Variants in SULT4A1 observed in about 807,000 individuals in gnomAD.
SULT4A1 encodes the protein sulfotransferase family 4A member 1.
Under a neutral mutation model 35.2 loss-of-function variants are expected in SULT4A1, and 11 were observed. The ratio of observed to expected loss-of-function variants is 0.31; its 90% CI spans 0.20 to 0.52. The LOEUF is 0.52. SULT4A1 is among the 20% of genes least tolerant of loss of function. The pLI is 0.97. For synonymous variants in SULT4A1, 152 were observed against 151.8 expected (o/e 1.00, Z -0.01); for missense variants, 271 against 383.7 (o/e 0.71, Z 2.45).
chr22:43,842,975 A>ATCTCTCTCTCTCTCTCTCTCTCTC (rs695712), intron 1 of SULT4A1, among the ~76,000 whole-genome samples: 2 of 144,478 alleles, frequency 1.4e-5, no homozygotes, highest in African/African-American at 5.2e-5. Context: ...AGTAAACAGC[A>ATCTCTCTCTCTCTCTCTCTCTCTC]TCTCTCTCTC....
chr22:43,854,343 A>C (rs891276657), intron 1 of SULT4A1, among the ~76,000 whole-genome samples: 14 of 152,196 alleles, frequency 9.2e-5, no homozygotes, highest in African/African-American at 3.4e-4. Context: ...TGCTAGTCCC[A>C]GGAAGAGAAA....
chr22:43,831,247 A>G (rs1239780320), intron 5 of SULT4A1, among the ~76,000 whole-genome samples: 1 of 151,522 alleles, frequency 6.6e-6, no homozygotes, highest in Non-Finnish European at 1.5e-5. Context: ...TCAGTCCATC[A>G]TTGCTGAGGA....
At chr22:43,833,780 A>G in intron 4 of SULT4A1, 46 bp from the exon 5 acceptor site, 2 of 1,505,646 alleles carry the variant, frequency 1.3e-6, no homozygotes, top group Non-Finnish European at 1.8e-6. Context: ...GGGCAGGAGA[A>G]GCGCACACAT....
At chr22:43,840,099 G>A in intron 2 of SULT4A1, 74 bp from the exon 3 acceptor site, 2 of 1,136,064 alleles carry the variant, frequency 1.8e-6, no homozygotes, top group East Asian at 5.0e-5. Flanking sequence ...CCAAGGGGAA[G>A]GGGGCCAGAG....
rs1204382714 is a variant in SULT4A1 at position 43,825,482 on chromosome 22, C to T, written c.*519G>A. The T allele has an allele frequency of 6.6e-6, 1 of 152,544 alleles. No individual in the cohort carries two copies. Among genetic ancestry groups the T allele is most frequent in the African/African-American group, 2.4e-5 (1 of 41,458 alleles). 9.4% of individuals were successfully genotyped at this position (152,544 alleles called of 1,614,324 possible). On this transcript the variant is annotated 3_prime_UTR_variant, in exon 7 of 7. Transcript: ENST00000330884. ...CAGATTCCCCCCAACAGACCCAACT[C>T]ATCCTCTGTTCTCACCACTATCTCA...
chr22:43,842,756 T>G (rs2063444468), intron 1 of SULT4A1, among the ~76,000 whole-genome samples: 1 of 152,128 alleles, frequency 6.6e-6, no homozygotes, highest in Non-Finnish European at 1.5e-5. Context: ...AGTGTTTATA[T>G]TTTGGGTTGG....
rs1219436016 is a variant in SULT4A1, at chr22:43,829,161, A to T, written c.641T>A (p.Leu214Gln). The change falls in exon 6 of 7, where the codon CTG (leucine) becomes CAG (glutamine). Residue 214 changes from leucine (L) to glutamine (Q), a missense_variant. Physicochemically the swap from Leu to Gln is moderately radical, Grantham distance 113. Around this residue, in one of 3 missense-constraint regions of SULT4A1, gnomAD observed 75 missense variants for 67.7 expected, o/e 1.11. Transcript: ENST00000330884. Reference protein sequence around the residue: ...VTMVEQLARFLGVSCDKAQLE... With the variant: ...VTMVEQLARFQGVSCDKAQLE... ...CTGGGCCTTGTCACAGGACACCCCC[A>T]GGAATCTGGCCAGCTGCTCCACCAT... The T allele has an allele frequency of 6.4e-7, 1 of 1,565,970 alleles. No homozygotes were observed. The highest frequency in any genetic ancestry group is 1.9e-5 in the Admixed American group (1 of 53,736).
chr22:43,838,150 G>A (rs948604112), intron 4 of SULT4A1, among the ~76,000 whole-genome samples: 1 of 152,246 alleles, frequency 6.6e-6, no homozygotes, highest in Non-Finnish European at 1.5e-5. Context: ...CCACTCCCAA[G>A]GGAAAGGTGG....
chr22:43,841,383 G>C (rs2063427342), intron 2 of SULT4A1, among the ~76,000 whole-genome samples: 1 of 152,188 alleles, frequency 6.6e-6, no homozygotes, highest in Non-Finnish European at 1.5e-5. Flanking sequence ...GGGTGGGGGT[G>C]CCTGTGGGTG....
At chr22:43,833,594 C>G (rs1343405331) in intron 5 of SULT4A1, 46 bp downstream of exon 5, 1 of 1,513,798 alleles carries the variant, frequency 6.6e-7, no homozygotes, top group Non-Finnish European at 9.0e-7. Context: ...AGCTGCCAGG[C>G]CGAGGGCCAG....
At chr22:43,829,282 A>G (rs1279635243) in intron 5 of SULT4A1, 84 bp from the exon 6 acceptor site, 2 of 1,404,380 alleles carry the variant, frequency 1.4e-6, no homozygotes, top group Non-Finnish European at 1.9e-6. Flanking sequence ...GCACACGCTG[A>G]GGACTTTTTA....
At position 43,841,858 on chromosome 22, in the gene SULT4A1, T is replaced by C. The variant is rs1216874534; in HGVS notation, c.244A>G (p.Ile82Val). The C allele has an allele frequency of 1.2e-6, 2 of 1,613,988 alleles. No homozygotes were observed. The highest frequency in any genetic ancestry group is 2.2e-5 in the East Asian group (1 of 44,874). The part of the protein sequence containing the change: ...ADPDEIGLMN[I>V]DEQLPVLEYP... ...TCCAGGACCGGGAGCTGCTCGTCGATGTTCATCAAGCCGATCTCATCGGGG... is the reference window on the plus strand; with the variant it reads ...TCCAGGACCGGGAGCTGCTCGTCGACGTTCATCAAGCCGATCTCATCGGGG... The change falls in exon 2 of 7, where the codon ATC becomes GTC. Residue 82 changes from isoleucine to valine, a missense_variant. Physicochemically the swap from Ile to Val is conservative, Grantham distance 29. Transcript: ENST00000330884.
At chr22:43,853,065 AAC>A (rs776327665) in intron 1 of SULT4A1, among the ~76,000 whole-genome samples, 3 of 151,868 alleles carry the variant, frequency 2.0e-5, no homozygotes, top group East Asian at 1.9e-4. Context: ...CCACATACAT[AAC>A]ACACAGACCA....
chr22:43,833,502 A>C, intron 5 of SULT4A1, 138 bp downstream of exon 5: 1 of 418,598 alleles, frequency 2.4e-6, no homozygotes, highest in Non-Finnish European at 4.3e-6. Context: ...CAGCCCACAG[A>C]CTGTCCCGCC....
chr22:43,843,454 T>C, intron 1 of SULT4A1, among the ~76,000 whole-genome samples: 1 of 152,188 alleles, frequency 6.6e-6, no homozygotes, highest in East Asian at 1.9e-4. Context: ...CTGACCTGCC[T>C]TTTCTGACTG....
At chr22:43,840,801 A>G (rs2063420781) in intron 2 of SULT4A1, among the ~76,000 whole-genome samples, 1 of 152,224 alleles carries the variant, frequency 6.6e-6, no homozygotes, top group Non-Finnish European at 1.5e-5. Flanking sequence ...ATGAAGCCAA[A>G]GAGCCCGGAA....
At chr22:43,845,843 G>T (rs971250218) in intron 1 of SULT4A1, among the ~76,000 whole-genome samples, 1 of 152,160 alleles carries the variant, frequency 6.6e-6, no homozygotes, top group African/African-American at 2.4e-5. Flanking sequence ...GTCCTCATGA[G>T]AATCTAACTA....
chr22:43,827,194 C>G, intron 6 of SULT4A1: 2 of 985,436 alleles, frequency 2.0e-6, no homozygotes, highest in Non-Finnish European at 1.2e-6. Flanking sequence ...ATTGTCAGCT[C>G]TCTGAGATCA....
At chr22:43,852,688 C>T (rs1424904113) in intron 1 of SULT4A1, among the ~76,000 whole-genome samples, 1 of 151,914 alleles carries the variant, frequency 6.6e-6, no homozygotes, top group Non-Finnish European at 1.5e-5. Context: ...TGTCTCTCAG[C>T]TCTCAACACA....
Sources: allele counts gnomAD v4.1 joint callset (sites outside exome capture counted in the v4.1 genomes callset), GRCh38; gene constraint gnomAD v4.1.1; regional missense constraint gnomAD v4.1.1; transcripts MANE v1.5; gene names NCBI Gene and HGNC (gene_info 2026-07-23, HGNC 2026-07-21).